MTSS1: variants seen among roughly 807,000 people sequenced by gnomAD.
The protein encoded by MTSS1 is protein MTSS 1.
MTSS1 carries 18 observed loss-of-function variants against 79.0 expected under a neutral mutation model. The ratio of observed to expected loss-of-function variants is 0.23; its 90% CI spans 0.16 to 0.34. MTSS1 has a LOEUF of 0.34. Among genes scored for constraint, MTSS1 ranks in the 10% least tolerant of loss-of-function variants. The pLI is 1.00. For missense variants in MTSS1, 815 were observed against 986.2 expected (o/e 0.83, Z 2.33); for synonymous variants, 341 against 368.6 (o/e 0.93, Z 0.86).
At chr8:124,645,247 C>T (rs1454722786) in intron 3 of MTSS1, among the ~76,000 whole-genome samples, 1 of 152,028 alleles carries the variant, frequency 6.6e-6, no homozygotes, top group Non-Finnish European at 1.5e-5. Flanking sequence ...AACAATTAGC[C>T]AGCATGGTGG....
chr8:124,723,244 A>G (rs936814419), intron 1 of MTSS1, among the ~76,000 whole-genome samples: 1 of 152,234 alleles, frequency 6.6e-6, no homozygotes, highest in Non-Finnish European at 1.5e-5. Flanking sequence ...TGCTGAAATC[A>G]TTATGCCACG....
At chr8:124,715,324 T>A (rs1424944887) in intron 1 of MTSS1, among the ~76,000 whole-genome samples, 1 of 152,218 alleles carries the variant, frequency 6.6e-6, no homozygotes, top group African/African-American at 2.4e-5. Context: ...CCCTTTTTTA[T>A]GTTCTTTTCT....
intron 5 of MTSS1, among the ~76,000 whole-genome samples, chr8:124,587,815 T>A (rs1831140436): frequency 1.3e-5 from 2 of 152,204 alleles, no homozygotes; most frequent in Admixed American, 6.5e-5. Context: ...TATATTAACT[T>A]TTTTAATATA....
At chr8:124,698,913 T>G (rs1829297524) in intron 3 of MTSS1, among the ~76,000 whole-genome samples, 1 of 152,232 alleles carries the variant, frequency 6.6e-6, no homozygotes, top group African/African-American at 2.4e-5. Context: ...TTTATATGAT[T>G]CAGTACTTGC....
At position 124,555,395 on chromosome 8, in the gene MTSS1, G is replaced by A. The variant is rs570822600; in HGVS notation, c.1567+347C>T. Among the ~76,000 whole-genome samples the A allele has an allele frequency of 6.4e-3, 976 of 152,232 alleles. 12 individuals carry two copies. Among genetic ancestry groups the A allele is most frequent in the African/African-American group, 0.022 (898 of 41,538 alleles). Reference sequence around the variant, plus strand: ...TGAGTAGCTGGGACTACAGGCGCCTGCCACCACGCCCGGCTAATTTTTTTG... The same window carrying A: ...TGAGTAGCTGGGACTACAGGCGCCTACCACCACGCCCGGCTAATTTTTTTG... On this transcript the variant is annotated intron_variant, in intron 13 of 13. Transcript: ENST00000518547.
At chr8:124,576,550 A>T (rs1199167026) in intron 6 of MTSS1, among the ~76,000 whole-genome samples, 3 of 152,230 alleles carry the variant, frequency 2.0e-5, no homozygotes, top group East Asian at 3.8e-4. Context: ...AGAGTCTAGC[A>T]CAGAGGAGGC....
chr8:124,677,999 G>A (rs545103070), intron 3 of MTSS1, among the ~76,000 whole-genome samples: 1 of 152,246 alleles, frequency 6.6e-6, no homozygotes, highest in Admixed American at 6.5e-5. Context: ...TACTGGTCAT[G>A]CTGCCAGAAA....
chr8:124,589,581 C>A (rs1563808651), intron 5 of MTSS1, 39 bp downstream of exon 5: 1 of 1,516,134 alleles, frequency 6.6e-7, no homozygotes, highest in Admixed American at 1.9e-5. Flanking sequence ...ACAGCGCCCC[C>A]CAGCGTGCAG....
chr8:124,627,680 G>GA (rs1330831010), intron 3 of MTSS1, among the ~76,000 whole-genome samples: 1 of 152,200 alleles, frequency 6.6e-6, no homozygotes, highest in Non-Finnish European at 1.5e-5. Flanking sequence ...TGGCGGGGGG[G>GA]TCCCCCAGGG....
At chr8:124,599,132 C>T (rs1002443790) in intron 3 of MTSS1, among the ~76,000 whole-genome samples, 9 of 152,216 alleles carry the variant, frequency 5.9e-5, no homozygotes, top group Non-Finnish European at 1.3e-4. Context: ...GCTTGAACAG[C>T]AGCTCCCGTT....
chr8:124,646,686 A>G (rs1819055120), intron 3 of MTSS1, among the ~76,000 whole-genome samples: 1 of 152,222 alleles, frequency 6.6e-6, no homozygotes, highest in South Asian at 2.1e-4. Flanking sequence ...GAACAGAGCC[A>G]TTAGAAAGCT....
At chr8:124,714,821 A>G (rs1351135837) in intron 1 of MTSS1, among the ~76,000 whole-genome samples, 7 of 152,098 alleles carry the variant, frequency 4.6e-5, no homozygotes, top group Admixed American at 3.3e-4. Context: ...AGACTGACTG[A>G]TTCTCCACAT....
intron 3 of MTSS1, among the ~76,000 whole-genome samples, chr8:124,632,018 T>C (rs954820906): frequency 2.0e-5 from 3 of 152,326 alleles, no homozygotes; most frequent in South Asian, 4.1e-4. Flanking sequence ...GGCTCATTCC[T>C]GTAAGCCCAA....
chr8:124,584,646 C>G (rs1393741895), intron 6 of MTSS1, among the ~76,000 whole-genome samples: 1 of 152,202 alleles, frequency 6.6e-6, no homozygotes, highest in Non-Finnish European at 1.5e-5. Flanking sequence ...TGACTCCCAG[C>G]TTCCCCTGCA....
chr8:124,678,940 T>C (rs959764600), intron 3 of MTSS1, among the ~76,000 whole-genome samples: 7 of 152,252 alleles, frequency 4.6e-5, no homozygotes, highest in African/African-American at 1.2e-4. Context: ...ATCCCTTCTT[T>C]ACTTTCCCCA....
chr8:124,606,509 G>A (rs1357312580), intron 3 of MTSS1, among the ~76,000 whole-genome samples: 1 of 152,154 alleles, frequency 6.6e-6, no homozygotes, highest in Non-Finnish European at 1.5e-5. Context: ...GAGAGGTTAA[G>A]TAACTTGCCC....
chr8:124,587,223 C>A (rs1186619946), intron 5 of MTSS1, among the ~76,000 whole-genome samples: 1 of 152,192 alleles, frequency 6.6e-6, no homozygotes, highest in Non-Finnish European at 1.5e-5. Context: ...CCCTGGCATG[C>A]AGCAGATGCC....
Position 124,728,064 on chromosome 8 carries a change from C to T in MTSS1, c.-109G>A. The T allele has an allele frequency of 2.2e-6, 2 of 890,064 alleles. No individual in the cohort carries two copies. The highest frequency in any genetic ancestry group is 3.5e-6 in the Non-Finnish European group (2 of 575,616). 55.1% of individuals were successfully genotyped at this position (890,064 alleles called of 1,614,324 possible). ...ATTTCACCTTCCGAGAGACCCACCT[C>T]GGACTCGCAGCCTCTTCTGCAGCGA... On this transcript the variant is annotated 5_prime_UTR_variant, in exon 1 of 14. Coordinates refer to ENST00000518547, the MANE Select transcript of MTSS1 (RefSeq NM_014751.6). The surrounding 1 kb of genome is among the most constrained non-coding windows in gnomAD (Gnocchi z 6.1).
chr8:124,624,041 C>G lies in MTSS1; in HGVS notation c.209-32806G>C, dbSNP rs183435710. Among the ~76,000 whole-genome samples the G allele has an allele frequency of 2.0e-4, 30 of 152,354 alleles. No homozygotes were observed. In the East Asian group the frequency reaches 5.0e-3, roughly 25 times the overall value. ...TTGTCAGCTCATCGAAGCTATCAAC[C>G]ATTGCTTCGTGTGGGTGAACTGATA... On this transcript the variant is annotated intron_variant, in intron 3 of 13. Transcript: ENST00000518547.
Sources: gnomAD v4.1 joint callset for allele counts (sites outside exome capture counted in the v4.1 genomes callset) on GRCh38, gnomAD v4.1.1 for gene constraint, Gnocchi (gnomAD v3.1) non-coding constraint, MANE v1.5 for transcripts, NCBI Gene and HGNC (gene_info 2026-07-23, HGNC 2026-07-21) for gene names.